Variants in PLPP1 observed in about 807,000 individuals in gnomAD.
The protein encoded by PLPP1 is lipid phosphate phosphohydrolase 1a.
Under a neutral mutation model 31.2 loss-of-function variants are expected in PLPP1, and 24 were observed. That is an observed-to-expected ratio of 0.77 (90% CI 0.56 to 1.08). The LOEUF is 1.08. Ranked by LOEUF, PLPP1 falls within the 50% of genes least tolerant of loss-of-function variation. The pLI is 0.00. For missense variants in PLPP1, 319 were observed against 342.7 expected, an observed-to-expected ratio of 0.93 and a Z score of 0.55; for synonymous variants, 146 against 126.3, an observed-to-expected ratio of 1.16 and a Z score of -1.05.
In PLPP1 at chr5:55,447,127, G is replaced by A. The variant is rs79377884; in HGVS notation, c.492-5219C>T. ...GTGTGTGTAACGTATCATGTAGCACGTTTAGCTGAACTATTATCAGTAGGC... is the reference window on the plus strand; with the variant it reads ...GTGTGTGTAACGTATCATGTAGCACATTTAGCTGAACTATTATCAGTAGGC... On this transcript the variant is annotated intron_variant, in intron 3 of 5. Coordinates refer to ENST00000307259, the MANE Select transcript of PLPP1 (RefSeq NM_003711.4). 4.2e-3 allele frequency among the ~76,000 whole-genome samples: 645 copies of A among 152,218 alleles called. 4 individuals are homozygous for A. Among genetic ancestry groups the A allele is most frequent in the African/African-American group, 0.014 (583 of 41,488 alleles).
intron 1 of PLPP1, among the ~76,000 whole-genome samples, chr5:55,490,211 C>A (rs969232367): frequency 7.5e-6 from 1 of 133,762 alleles, no homozygotes; most frequent in East Asian, 2.2e-4. Context: ...AGTGCAATGG[C>A]ATGATCTTGG....
intron 1 of PLPP1, among the ~76,000 whole-genome samples, chr5:55,519,062 C>A (rs1430135270): frequency 1.3e-5 from 2 of 151,984 alleles, no homozygotes; most frequent in Non-Finnish European, 2.9e-5. Flanking sequence ...GGGGGGAAAT[C>A]CATAAAAAAA....
At chr5:55,507,477 G>C (rs1253983388) in intron 1 of PLPP1, among the ~76,000 whole-genome samples, 1 of 152,160 alleles carries the variant, frequency 6.6e-6, no homozygotes, top group Non-Finnish European at 1.5e-5. Flanking sequence ...CAGGAAAGTA[G>C]GATGAAGAGT....
At chr5:55,524,291 A>C (rs1753734780) in intron 1 of PLPP1, among the ~76,000 whole-genome samples, 1 of 152,148 alleles carries the variant, frequency 6.6e-6, no homozygotes, top group Admixed American at 6.5e-5. Context: ...AAAATCTTAT[A>C]ATGTTTTAAG....
intron 3 of PLPP1, among the ~76,000 whole-genome samples, chr5:55,451,973 G>C (rs1751904358): frequency 6.6e-6 from 1 of 152,156 alleles, no homozygotes; most frequent in African/African-American, 2.4e-5. Context: ...TATATTTAAA[G>C]AGTGGAAAGC....
chr5:55,513,912 G>A (rs901178945), intron 1 of PLPP1, among the ~76,000 whole-genome samples: 3 of 152,188 alleles, frequency 2.0e-5, no homozygotes, highest in Non-Finnish European at 4.4e-5. Context: ...GGAGACAGAT[G>A]TTGTGTAGGG....
At chr5:55,512,427 C>T (rs1472720673) in intron 1 of PLPP1, among the ~76,000 whole-genome samples, 3 of 149,034 alleles carry the variant, frequency 2.0e-5, no homozygotes, top group Admixed American at 6.7e-5. Flanking sequence ...GCTGAGATTA[C>T]ACCACTGCAC....
chr5:55,440,284 A>G (rs1228193043), intron 4 of PLPP1, among the ~76,000 whole-genome samples: 1 of 152,178 alleles, frequency 6.6e-6, no homozygotes, highest in East Asian at 1.9e-4. Context: ...ACGCCCACAC[A>G]TTCAAACGCC....
chr5:55,442,546 G>A (rs1439953804), intron 3 of PLPP1, among the ~76,000 whole-genome samples: 2 of 151,894 alleles, frequency 1.3e-5, no homozygotes, highest in Non-Finnish European at 2.9e-5. Context: ...CAGCTACTCG[G>A]GAGGCTGAGG....
chr5:55,509,584 G>C (rs13173663), intron 1 of PLPP1, among the ~76,000 whole-genome samples: 9,295 of 152,194 alleles, frequency 0.061, 514 homozygotes, highest in African/African-American at 0.13. Flanking sequence ...TACATTTGTA[G>C]TTTTACGTCA....
At chr5:55,463,365 G>A (rs1056709884) in intron 3 of PLPP1, among the ~76,000 whole-genome samples, 1 of 151,984 alleles carries the variant, frequency 6.6e-6, no homozygotes, top group Non-Finnish European at 1.5e-5. Flanking sequence ...AAAAGAAAAA[G>A]AAAATAAAAA....
intron 4 of PLPP1, among the ~76,000 whole-genome samples, chr5:55,437,136 A>T (rs1051043375): frequency 1.4e-4 from 22 of 152,238 alleles, no homozygotes; most frequent in Admixed American, 9.2e-4. Flanking sequence ...GCAATTGGTT[A>T]TAGCAGCCCA....
intron 1 of PLPP1, among the ~76,000 whole-genome samples, chr5:55,486,947 C>T (rs958662472): frequency 6.6e-6 from 1 of 151,918 alleles, no homozygotes; most frequent in East Asian, 1.9e-4. Context: ...TTTTCACAAA[C>T]ATCCATGTAC....
At chr5:55,450,927 C>G (rs1430792464) in intron 3 of PLPP1, among the ~76,000 whole-genome samples, 2 of 152,242 alleles carry the variant, frequency 1.3e-5, no homozygotes, top group East Asian at 3.9e-4. Context: ...AATTTTAAAT[C>G]ACTTTCTAAA....
intron 1 of PLPP1, among the ~76,000 whole-genome samples, chr5:55,498,919 A>G (rs1480303287): frequency 1.6e-4 from 24 of 152,016 alleles, no homozygotes; most frequent in Non-Finnish European, 8.8e-5. Context: ...ACGCTCCAGC[A>G]TTACCTCTAA....
intron 1 of PLPP1, among the ~76,000 whole-genome samples, chr5:55,481,544 G>A (rs915932007): frequency 2.0e-5 from 3 of 152,128 alleles, no homozygotes; most frequent in African/African-American, 7.2e-5. Flanking sequence ...CAGATGGCAG[G>A]TGCCTTGGGA....
At chr5:55,473,950 T>G (rs982733685) in intron 2 of PLPP1, among the ~76,000 whole-genome samples, 1 of 151,580 alleles carries the variant, frequency 6.6e-6, no homozygotes, top group Non-Finnish European at 1.5e-5. Flanking sequence ...ATTACAGGCG[T>G]GAGCCACCAC....
At chr5:55,465,574 T>G (rs559525095) in intron 3 of PLPP1, among the ~76,000 whole-genome samples, 1 of 152,228 alleles carries the variant, frequency 6.6e-6, no homozygotes, top group East Asian at 1.9e-4. Flanking sequence ...AAAATCATAA[T>G]GTTTTAAGAA....
At chr5:55,485,748 C>T (rs1442337280) in intron 1 of PLPP1, among the ~76,000 whole-genome samples, 3 of 152,022 alleles carry the variant, frequency 2.0e-5, no homozygotes, top group African/African-American at 4.8e-5. Flanking sequence ...TCAGAAAGAA[C>T]GATTACTATT....
Sources: gnomAD v4.1 joint callset for allele counts (sites outside exome capture counted in the v4.1 genomes callset) on GRCh38, gnomAD v4.1.1 for gene constraint, MANE v1.5 for transcripts, NCBI Gene and HGNC (gene_info 2026-07-23, HGNC 2026-07-21) for gene names.